The following TMEM39B variants were observed in gnomAD, a reference collection of about 807,000 sequenced individuals.
TMEM39B encodes transmembrane protein 39B.
A neutral mutation model predicts 52.2 loss-of-function variants in TMEM39B; 23 were observed. That is an observed-to-expected ratio of 0.44 (90% CI 0.32 to 0.62). The LOEUF (loss-of-function observed/expected upper bound fraction) is 0.62. Ranked by LOEUF, TMEM39B falls within the 20% of genes least tolerant of loss-of-function variation. The pLI, the probability that TMEM39B is intolerant of heterozygous loss-of-function variation, is 0.06. For missense variants in TMEM39B, 547 were observed against 642.0 expected, an observed-to-expected ratio of 0.85 and a Z score of 1.60; for synonymous variants, 285 against 264.0, an observed-to-expected ratio of 1.08 and a Z score of -0.77.
chr1:32,085,829 G>C (rs1322312726), intron 5 of TMEM39B, among the ~76,000 whole-genome samples: 4 of 151,780 alleles, frequency 2.6e-5, no homozygotes, highest in Admixed American at 2.6e-4. Flanking sequence ...CATGCTGCTT[G>C]TTTTCCAAGT....
At position 32,075,162 on chromosome 1, in the gene TMEM39B, T is replaced by C. The variant is rs1639800881; in HGVS notation, c.131+85T>C. 2.7e-6 allele frequency: 4 copies of C among 1,467,634 alleles called. No individual in the cohort carries two copies. The South Asian group carries it at 4.2e-5, about 16-fold the overall frequency. The allele number at this position is 1,467,634 out of a possible 1,614,324, so 90.9% of individuals were successfully genotyped here. A position where few individuals can be genotyped will look rare whatever the true frequency, so the allele number is the denominator to read the frequency against. ...CTCTCTCTGACTGGATTCTAAGATG[T>C]GAAATCCTAGATGCCAGTGGGGGCT... is the stretch of plus-strand genomic sequence containing the variant. On this transcript the variant is annotated intron_variant, in intron 2 of 8. Coordinates refer to ENST00000336294, the MANE Select transcript of TMEM39B (RefSeq NM_018056.4).
chr1:32,091,024 G>A (rs913248716), intron 5 of TMEM39B, among the ~76,000 whole-genome samples: 11 of 152,144 alleles, frequency 7.2e-5, no homozygotes, highest in Non-Finnish European at 7.3e-5. Flanking sequence ...CTGGGCTCAC[G>A]TGATCTTCCC....
intron 5 of TMEM39B, among the ~76,000 whole-genome samples, chr1:32,077,537 G>A (rs1296504383): frequency 6.6e-6 from 1 of 152,162 alleles, no homozygotes; most frequent in East Asian, 1.9e-4. Flanking sequence ...TCTCACTATG[G>A]GGGAGGTCAG....
intron 5 of TMEM39B, among the ~76,000 whole-genome samples, chr1:32,082,122 A>C (rs950554162): frequency 1.3e-5 from 2 of 149,666 alleles, no homozygotes; most frequent in African/African-American, 4.9e-5. Context: ...TTTTTCCATC[A>C]ACAATAGTAT....
chr1:32,073,282 C>G, intron 1 of TMEM39B: 1 of 528,304 alleles, frequency 1.9e-6, no homozygotes, highest in Non-Finnish European at 3.0e-6. Context: ...CCTGTGGGGG[C>G]TTGGGCTTTC....
At chr1:32,076,548 A>T (rs1639869328) in intron 3 of TMEM39B, 6 of 685,968 alleles carry the variant, frequency 8.7e-6, no homozygotes, top group Non-Finnish European at 1.6e-5. Flanking sequence ...CTCACATACC[A>T]CTCTCTTATC....
intron 5 of TMEM39B, among the ~76,000 whole-genome samples, chr1:32,091,413 C>T (rs909065636): frequency 1.7e-4 from 26 of 152,204 alleles, no homozygotes; most frequent in African/African-American, 6.0e-4. Context: ...AGTGCAGGGA[C>T]TTGTCTCTTG....
intron 6 of TMEM39B, among the ~76,000 whole-genome samples, chr1:32,093,305 G>T (rs1640679513): frequency 6.6e-6 from 1 of 151,230 alleles, no homozygotes; most frequent in African/African-American, 2.4e-5. Flanking sequence ...CATCATGTTG[G>T]CCAGGCTGGT....
rs1296837095 is a variant in TMEM39B at position 32,100,468 on chromosome 1, A to G, written c.1142A>G (p.Gln381Arg). ...TGGACTGAAGAATGCATGTGGCCGC[A>G]GGGCGTGCTGGTGAAGCACAGCAAG... is the stretch of plus-strand genomic sequence containing the variant. ...HPWTEECMWP[Q>R]GVLVKHSKNV... is the part of the protein sequence containing the mutation. Residue 381 changes from glutamine (Q) to arginine (R), a missense_variant, in exon 8 of 9, where the codon CAG (glutamine) becomes CGG (arginine). Gln to Arg is a conservative substitution (Grantham distance 43). Coordinates refer to ENST00000336294, the MANE Select transcript of TMEM39B (RefSeq NM_018056.4). 5.6e-6 allele frequency: 9 copies of G among 1,607,190 alleles called. No homozygotes were observed. In the East Asian group the frequency reaches 2.0e-4, roughly 36 times the overall value.
intron 6 of TMEM39B, among the ~76,000 whole-genome samples, chr1:32,092,405 G>C (rs536817486): frequency 1.8e-4 from 27 of 152,264 alleles, no homozygotes; most frequent in African/African-American, 6.5e-4. Flanking sequence ...TGGTCCTCCT[G>C]CCTCAGCTTC....
chr1:32,081,480 G>A (rs971685595), intron 5 of TMEM39B, among the ~76,000 whole-genome samples: 9 of 152,136 alleles, frequency 5.9e-5, no homozygotes, highest in Admixed American at 1.3e-4. Context: ...AAGCGTGGTG[G>A]CTCACGCTTG....
intron 7 of TMEM39B, among the ~76,000 whole-genome samples, chr1:32,099,255 G>A (rs1640928619): frequency 6.7e-6 from 1 of 149,976 alleles, no homozygotes; most frequent in African/African-American, 2.4e-5. Flanking sequence ...ACACTCATAG[G>A]TTGGAATTGA....
chr1:32,091,798 C>T lies in TMEM39B; in HGVS notation c.714C>T (p.Tyr238=). ...GTGGCCTGGCAAAGAGCCGGGACTA[C>T]CTCCTGACACTGCGGGAGACGTGGA... ...AVSGLAKSRD[Y]LLTLRETWKQ... is the part of the protein sequence containing the mutation. The change falls in exon 6 of 9, where the codon TAC becomes TAT. Residue 238 remains tyrosine (Y), a synonymous_variant. Coordinates refer to ENST00000336294, the MANE Select transcript of TMEM39B (RefSeq NM_018056.4). 1 of 1,614,220 alleles carries T rather than the reference C, an allele frequency of 6.2e-7. No individual in the cohort carries two copies. The highest frequency in any genetic ancestry group is 1.6e-4 in the Middle Eastern group (1 of 6,062).
upstream of TMEM39B, chr1:32,072,766 C>G: frequency 3.9e-6 from 2 of 516,324 alleles, no homozygotes; most frequent in Non-Finnish European, 6.9e-6. Flanking sequence ...AGGTGGGTTC[C>G]GTTCCCCTCC....
At position 32,085,252 on chromosome 1, in the gene TMEM39B, G is replaced by C. The variant is rs72666733; in HGVS notation, c.591-6423G>C. Among the ~76,000 whole-genome samples, 1,067 of 152,076 alleles carry C rather than the reference G, an allele frequency of 7.0e-3. 9 individuals carry two copies. The highest frequency in any genetic ancestry group is 0.011 in the Non-Finnish European group (763 of 67,980). ...TGTTCATCAGATGGTAGACCTCATA[G>C]ATTGGTCATCTTTTTCTCCTATATT... is the stretch of plus-strand genomic sequence containing the variant. On this transcript the variant is annotated intron_variant, in intron 5 of 8. Transcript: ENST00000336294.
rs537347736 is a variant in TMEM39B at position 32,083,958 on chromosome 1, G to A, written c.590+6640G>A. 5.4e-5 allele frequency among the ~76,000 whole-genome samples: 8 copies of A among 149,518 alleles called. No homozygotes were observed. In the South Asian group the frequency reaches 8.3e-4, roughly 16 times the overall value. ...TGAGATTGTTCCACTGCACTCCAGC[G>A]TGGGCAATAGAGCAAGACCCTGTTT... On this transcript the variant is annotated intron_variant, in intron 5 of 8. Coordinates refer to ENST00000336294, the MANE Select transcript of TMEM39B (RefSeq NM_018056.4).
chr1:32,073,052 G>C lies in TMEM39B; in HGVS notation c.4+1G>C. On this transcript the variant is annotated splice_donor_variant, in intron 1 of 8. Transcript: ENST00000336294. LOFTEE classifies it high-confidence loss of function. ...GGAGAGCACCGGGGGGAGGAGATGG[G>C]TGAGCAGAGCGGCTCAGGCTCGGCC... The C allele has an allele frequency of 1.3e-6, 2 of 1,513,188 alleles. No individual in the cohort carries two copies. The highest frequency in any genetic ancestry group is 1.8e-6 in the Non-Finnish European group (2 of 1,128,112). 93.7% of individuals were successfully genotyped at this position (1,513,188 alleles called of 1,614,324 possible). A position where few individuals can be genotyped will look rare whatever the true frequency, so the allele number is the denominator to read the frequency against.
intron 3 of TMEM39B, chr1:32,076,545 AC>A: frequency 1.5e-6 from 1 of 685,074 alleles, no homozygotes; most frequent in Non-Finnish European, 2.7e-6. Flanking sequence ...GGGCTCACAT[AC>A]CACTCTCTTA....
intron 5 of TMEM39B, among the ~76,000 whole-genome samples, chr1:32,084,656 G>A (rs1018990842): frequency 7.2e-5 from 11 of 151,830 alleles, no homozygotes; most frequent in Non-Finnish European, 8.8e-5. Context: ...TGCAACCTCC[G>A]CCTCCCGAGT....
Sources: allele counts gnomAD v4.1 joint callset (sites outside exome capture counted in the v4.1 genomes callset), GRCh38; gene constraint gnomAD v4.1.1; transcripts MANE v1.5; gene names NCBI Gene and HGNC (gene_info 2026-07-23, HGNC 2026-07-21).